Variants in PPP2R3A observed in about 807,000 individuals in gnomAD.
The protein encoded by PPP2R3A is serine/threonine-protein phosphatase 2A regulatory subunit B'' subunit alpha.
Under a neutral mutation model 106.9 loss-of-function variants are expected in PPP2R3A, and 80 were observed. The ratio of observed to expected loss-of-function variants is 0.75; its 90% CI spans 0.62 to 0.90. The LOEUF (loss-of-function observed/expected upper bound fraction) is 0.90. Among genes scored for constraint, PPP2R3A ranks in the 40% least tolerant of loss-of-function variants. The pLI is 0.00. For missense variants in PPP2R3A, 1,386 were observed against 1,350.4 expected (o/e 1.03, Z -0.41); for synonymous variants, 483 against 468.3 (o/e 1.03, Z -0.41).
intron 13 of PPP2R3A, among the ~76,000 whole-genome samples, chr3:136,134,542 A>G (rs1938534136): frequency 6.6e-6 from 1 of 152,210 alleles, no homozygotes; most frequent in South Asian, 2.1e-4. Flanking sequence ...TTTCATAGAA[A>G]AATCCAGATT....
chr3:136,003,245 A>C lies in PPP2R3A; in HGVS notation c.1747A>C (p.Ile583Leu). The C allele has an allele frequency of 6.2e-7, 1 of 1,613,920 alleles. No individual in the cohort carries two copies. Among genetic ancestry groups the C allele is most frequent in the Non-Finnish European group, 8.5e-7 (1 of 1,179,870 alleles). The part of the protein sequence containing the change: ...TRIIETNGHK[I>L]EEEDRALLLR... ...GATTATTGAAACCAATGGACACAAA[A>C]TAGAGGAAGAGGATCGAGCCCTCTT... Residue 583 changes from isoleucine (I) to leucine (L), a missense_variant, in exon 2 of 14, where the codon ATA (isoleucine) becomes CTA (leucine). Physicochemically the swap from Ile to Leu is conservative, Grantham distance 5. Coordinates refer to ENST00000264977, the MANE Select transcript of PPP2R3A (RefSeq NM_002718.5).
At chr3:136,071,849 C>T (rs755230760) in intron 6 of PPP2R3A, among the ~76,000 whole-genome samples, 1 of 152,154 alleles carries the variant, frequency 6.6e-6, no homozygotes, top group Non-Finnish European at 1.5e-5. Flanking sequence ...CCACTTCTGC[C>T]TCACATGCTT....
At chr3:136,023,237 G>GTTTTC (rs774929458) in intron 2 of PPP2R3A, 1 of 1,557,592 alleles carries the variant, frequency 6.4e-7, no homozygotes, top group African/African-American at 1.4e-5. Context: ...GTTTTGTTTT[G>GTTTTC]TTTTGTTTTG....
chr3:136,008,905 T>C (rs1167576254), intron 2 of PPP2R3A, among the ~76,000 whole-genome samples: 1 of 152,106 alleles, frequency 6.6e-6, no homozygotes, highest in Non-Finnish European at 1.5e-5. Context: ...CTAATCTGTC[T>C]AATATGCCCT....
At chr3:136,031,054 C>T (rs1204871726) in intron 3 of PPP2R3A, among the ~76,000 whole-genome samples, 1 of 151,998 alleles carries the variant, frequency 6.6e-6, no homozygotes, top group Non-Finnish European at 1.5e-5. Flanking sequence ...CACTGTTTTC[C>T]ATAGTGGTTA....
chr3:136,030,776 ATATATGTATG>A (rs569911907), intron 3 of PPP2R3A, among the ~76,000 whole-genome samples: 9,989 of 123,894 alleles, frequency 0.081, 469 homozygotes, highest in Non-Finnish European at 0.098. Flanking sequence ...ATATATATAT[ATATATGTATG>A]TATGTATGTA....
intron 1 of PPP2R3A, among the ~76,000 whole-genome samples, chr3:135,991,956 T>C (rs903286227): frequency 6.6e-6 from 1 of 152,226 alleles, no homozygotes; most frequent in Non-Finnish European, 1.5e-5. Flanking sequence ...ACCTAAAGCA[T>C]TAATTTTTCT....
At chr3:136,046,454 CAAA>C (rs35307516) in intron 4 of PPP2R3A, among the ~76,000 whole-genome samples, 2 of 127,866 alleles carry the variant, frequency 1.6e-5, no homozygotes, top group Non-Finnish European at 3.3e-5. Context: ...AACTCCATCT[CAAA>C]AAAAAAAAAA....
intron 13 of PPP2R3A, among the ~76,000 whole-genome samples, chr3:136,140,069 G>T (rs891181228): frequency 7.3e-5 from 11 of 150,332 alleles, no homozygotes; most frequent in Admixed American, 4.0e-4. Flanking sequence ...TAAATTGTTT[G>T]TGAACCCTGT....
intron 1 of PPP2R3A, among the ~76,000 whole-genome samples, chr3:135,984,578 A>T (rs538022433): frequency 6.6e-6 from 1 of 152,146 alleles, no homozygotes; most frequent in Admixed American, 6.5e-5. Flanking sequence ...CGTTCTCGCG[A>T]TAGTATGTCC....
In PPP2R3A at chr3:136,080,387, C is replaced by G. The variant is rs541626096; in HGVS notation, c.2632-1878C>G. On this transcript the variant is annotated intron_variant, in intron 7 of 13. Transcript: ENST00000264977. ...AGAATAGACCACTGGAGGGAAAATC[C>G]TGGATCAAATAGTATGTGCATTTTT... 1.2e-4 allele frequency among the ~76,000 whole-genome samples: 18 copies of G among 152,242 alleles called. 2 individuals carry two copies. The South Asian group carries it at 3.3e-3, about 28-fold the overall frequency.
chr3:136,076,054 C>G (rs1936584205), intron 6 of PPP2R3A, among the ~76,000 whole-genome samples: 1 of 152,190 alleles, frequency 6.6e-6, no homozygotes, highest in South Asian at 2.1e-4. Context: ...TTAGGCACTG[C>G]CTAGTCCCAG....
At chr3:136,007,269 ATGAG>A (rs1243300975) in intron 2 of PPP2R3A, among the ~76,000 whole-genome samples, 1 of 152,232 alleles carries the variant, frequency 6.6e-6, no homozygotes, top group Non-Finnish European at 1.5e-5. Flanking sequence ...GAATGAATAA[ATGAG>A]TAAGTGGATG....
chr3:136,103,427 T>A (rs2107968817), intron 12 of PPP2R3A, 51 bp downstream of exon 12: 1 of 1,269,434 alleles, frequency 7.9e-7, no homozygotes, highest in East Asian at 2.4e-5. Flanking sequence ...TCAGGGGCTG[T>A]GTGTGCTACA....
chr3:135,970,424 T>A (rs556309398), intron 1 of PPP2R3A, among the ~76,000 whole-genome samples: 1 of 152,206 alleles, frequency 6.6e-6, no homozygotes, highest in Admixed American at 6.5e-5. Flanking sequence ...CAAGAGTAAT[T>A]TAAACAATAT....
chr3:136,036,326 G>A (rs181739518), intron 3 of PPP2R3A, among the ~76,000 whole-genome samples: 3 of 152,232 alleles, frequency 2.0e-5, no homozygotes, highest in Non-Finnish European at 4.4e-5. Context: ...TGGTTTTCTG[G>A]TTCCTTCTCA....
At chr3:135,998,862 T>C (rs1170887275) in intron 1 of PPP2R3A, among the ~76,000 whole-genome samples, 2 of 152,246 alleles carry the variant, frequency 1.3e-5, no homozygotes, top group Non-Finnish European at 2.9e-5. Flanking sequence ...CCAAATTTTG[T>C]AAAAAATACA....
intron 5 of PPP2R3A, among the ~76,000 whole-genome samples, chr3:136,056,508 A>C (rs530382177): frequency 6.6e-6 from 1 of 152,246 alleles, no homozygotes; most frequent in Admixed American, 6.5e-5. Context: ...TTATTTTAAA[A>C]AGTACTATAT....
At chr3:136,061,239 T>G (rs576066955) in intron 5 of PPP2R3A, among the ~76,000 whole-genome samples, 4 of 151,150 alleles carry the variant, frequency 2.6e-5, no homozygotes, top group African/African-American at 9.7e-5. Flanking sequence ...AATTGGAGAG[T>G]GGGGAAGAAA....
Sources: allele counts gnomAD v4.1 joint callset (sites outside exome capture counted in the v4.1 genomes callset), GRCh38; gene constraint gnomAD v4.1.1; transcripts MANE v1.5; gene names NCBI Gene and HGNC (gene_info 2026-07-23, HGNC 2026-07-21).